The following ATP10B variants were observed in gnomAD, a reference collection of about 807,000 sequenced individuals.
ATP10B encodes phospholipid-transporting ATPase VB.
In ATP10B, 122 loss-of-function variants were observed where a neutral mutation model predicts 141.2. The ratio of observed to expected loss-of-function variants is 0.86; its 90% CI spans 0.75 to 1.00. The LOEUF (loss-of-function observed/expected upper bound fraction) is 1.00. Ranked by LOEUF, ATP10B falls within the 50% of genes least tolerant of loss-of-function variation. The pLI is 0.00. For missense variants in ATP10B, 1,876 were observed against 1,825.3 expected (o/e 1.03, Z -0.51); for synonymous variants, 685 against 692.0 (o/e 0.99, Z 0.16).
At chr5:160,895,337 C>T in the ATP10B span, among the ~76,000 whole-genome samples, 1 of 151,836 alleles carries the variant, frequency 6.6e-6, no homozygotes, top group Non-Finnish European at 1.5e-5. Context: ...CACATAGGCT[C>T]AAAATAAAGG....
At chr5:160,886,288 T>C in the ATP10B span, among the ~76,000 whole-genome samples, 2 of 152,050 alleles carry the variant, frequency 1.3e-5, no homozygotes, top group African/African-American at 4.8e-5. Context: ...TTATTTAGGG[T>C]GGAGATCAAG....
chr5:160,628,758 T>C (rs1758748376), intron 13 of ATP10B, among the ~76,000 whole-genome samples: 1 of 152,180 alleles, frequency 6.6e-6, no homozygotes, highest in Admixed American at 6.5e-5. Context: ...TGCTGAAATC[T>C]TGGCTGCGTA....
intron 18 of ATP10B, 51 bp downstream of exon 18, chr5:160,612,690 G>T (rs1757783475): frequency 2.0e-6 from 3 of 1,514,256 alleles, no homozygotes; most frequent in Admixed American, 1.8e-5. Context: ...TGGTTGAGGG[G>T]TTGCTCTACA....
intron 3 of ATP10B, among the ~76,000 whole-genome samples, chr5:160,697,447 T>G (rs1040342045): frequency 6.6e-6 from 1 of 152,218 alleles, no homozygotes; most frequent in Non-Finnish European, 1.5e-5. Flanking sequence ...TCAGTTCTTA[T>G]GAGCACAAAA....
the ATP10B span, among the ~76,000 whole-genome samples, chr5:160,896,454 T>C: frequency 2.0e-5 from 3 of 152,082 alleles, no homozygotes; most frequent in Non-Finnish European, 4.4e-5. Flanking sequence ...AAGAAATTGA[T>C]AAATTCCTGG....
intron 2 of ATP10B, among the ~76,000 whole-genome samples, chr5:160,772,063 T>G (rs545156032): frequency 6.6e-6 from 1 of 152,384 alleles, no homozygotes; most frequent in South Asian, 2.1e-4. Context: ...TTGGCTATTA[T>G]GAGTAGCGCT....
intron 2 of ATP10B, among the ~76,000 whole-genome samples, chr5:160,759,909 G>T (rs1179631512): frequency 6.6e-6 from 1 of 152,152 alleles, no homozygotes; most frequent in Non-Finnish European, 1.5e-5. Flanking sequence ...TCCAGAATTT[G>T]CTTGTCAATA....
chr5:160,743,647 C>T (rs913600815), intron 2 of ATP10B, among the ~76,000 whole-genome samples: 8 of 151,972 alleles, frequency 5.3e-5, no homozygotes, highest in East Asian at 3.9e-4. Flanking sequence ...TGAACCAGGG[C>T]GTCTAGACAA....
At chr5:160,600,671 T>C (rs140842511) in intron 21 of ATP10B, among the ~76,000 whole-genome samples, 2 of 152,342 alleles carry the variant, frequency 1.3e-5, no homozygotes, top group East Asian at 3.9e-4. Flanking sequence ...CTTGCTTGTT[T>C]TTCACTTCTG....
Position 160,597,095 on chromosome 5 carries a change from T to G in ATP10B, c.3564+1675A>C, listed in dbSNP as rs1387680077. On this transcript the variant is annotated intron_variant, in intron 22 of 25. Transcript: ENST00000327245. ...AGAGCCCGCATTGCCAAGTCAATCC[T>G]AAGCCAAAAGAACAAAGCTGGAGGC... is the stretch of plus-strand genomic sequence containing the variant. Among the ~76,000 whole-genome samples, 4 of 152,226 alleles carry G rather than the reference T, an allele frequency of 2.6e-5. No homozygotes were observed. The South Asian group carries it at 8.3e-4, about 32-fold the overall frequency.
At chr5:160,907,600 A>G in the ATP10B span, among the ~76,000 whole-genome samples, 1 of 152,086 alleles carries the variant, frequency 6.6e-6, no homozygotes, top group Non-Finnish European at 1.5e-5. Context: ...GGCTCAAGCA[A>G]TCCTCTTGCT....
chr5:160,682,256 G>A (rs1228816264), intron 6 of ATP10B, among the ~76,000 whole-genome samples: 1 of 152,170 alleles, frequency 6.6e-6, no homozygotes, highest in Non-Finnish European at 1.5e-5. Context: ...CATGGGCTAT[G>A]GGTCCATTGG....
chr5:160,701,929 C>A (rs776330878), intron 3 of ATP10B, among the ~76,000 whole-genome samples: 3 of 151,430 alleles, frequency 2.0e-5, no homozygotes, highest in Non-Finnish European at 3.0e-5. Context: ...GGAGCAGTCA[C>A]CCCTCTCCCG....
At chr5:160,900,723 T>G in the ATP10B span, among the ~76,000 whole-genome samples, 2 of 152,164 alleles carry the variant, frequency 1.3e-5, no homozygotes, top group Admixed American at 6.5e-5. Flanking sequence ...TTAGGCCATA[T>G]GTATACAACA....
At chr5:160,633,673 A>G (rs2127664531) in intron 12 of ATP10B, 1 of 161,374 alleles carries the variant, frequency 6.2e-6, no homozygotes, top group East Asian at 1.7e-4. Flanking sequence ...CACATTCTGC[A>G]CATGTATCCC....
chr5:160,652,650 A>G (rs2127693684), intron 7 of ATP10B, among the ~76,000 whole-genome samples: 1 of 135,310 alleles, frequency 7.4e-6, no homozygotes, highest in East Asian at 2.1e-4. Flanking sequence ...AAATAAAATT[A>G]TATATGTATA....
intron 2 of ATP10B, among the ~76,000 whole-genome samples, chr5:160,731,974 G>C (rs1766774967): frequency 6.6e-6 from 1 of 152,122 alleles, no homozygotes; most frequent in South Asian, 2.1e-4. Context: ...TTATATCGAG[G>C]ATGTTGAACA....
Position 160,653,311 on chromosome 5 carries a change from CATAGGTAGTATAT to C in ATP10B, c.676-4068_676-4056del, listed in dbSNP as rs1561703683. 3.7e-3 allele frequency among the ~76,000 whole-genome samples: 465 copies of C among 125,458 alleles called. 46 individuals are homozygous for C. Among genetic ancestry groups the C allele is most frequent in the African/African-American group, 0.012 (414 of 33,220 alleles). 82.3% of individuals were successfully genotyped at this position (125,458 alleles called of 152,430 possible). A position where few individuals can be genotyped will look rare whatever the true frequency, so the allele number is the denominator to read the frequency against. On this transcript the variant is annotated intron_variant, in intron 7 of 25. Transcript: ENST00000327245. ...GTATATATACATACGTACATACATA[CATAGGTAGTATAT>C]ATACATACGTACATACATACATAGG... is the stretch of plus-strand genomic sequence containing the variant.
the ATP10B span, among the ~76,000 whole-genome samples, chr5:160,898,525 G>A: frequency 6.6e-6 from 1 of 152,160 alleles, no homozygotes; most frequent in African/African-American, 2.4e-5. Context: ...GGAGAAATAG[G>A]AACACTTTTA....
Sources: gnomAD v4.1 joint callset for allele counts (sites outside exome capture counted in the v4.1 genomes callset) on GRCh38, gnomAD v4.1.1 for gene constraint, MANE v1.5 for transcripts, NCBI Gene and HGNC (gene_info 2026-07-23, HGNC 2026-07-21) for gene names.